GRIK1: variants seen among roughly 807,000 people sequenced by gnomAD.
GRIK1 encodes glutamate receptor ionotropic, kainate 1.
A neutral mutation model predicts 105.7 loss-of-function variants in GRIK1; 69 were observed. That is an observed-to-expected ratio of 0.65 (90% CI 0.54 to 0.80). The LOEUF (loss-of-function observed/expected upper bound fraction) is 0.80. Among genes scored for constraint, GRIK1 ranks in the 30% least tolerant of loss-of-function variants. The pLI is 0.00. For missense variants in GRIK1, 1,109 were observed against 1,167.3 expected (o/e 0.95, Z 0.73); for synonymous variants, 438 against 431.3 (o/e 1.02, Z -0.19).
intron 1 of GRIK1, among the ~76,000 whole-genome samples, chr21:29,889,318 T>C (rs923773450): frequency 1.3e-5 from 2 of 152,156 alleles, no homozygotes; most frequent in African/African-American, 4.8e-5. Flanking sequence ...GGAGAACATA[T>C]TTGTCCTTCT....
intron 14 of GRIK1, among the ~76,000 whole-genome samples, chr21:29,573,126 C>G (rs942645638): frequency 6.6e-6 from 1 of 152,092 alleles, no homozygotes; most frequent in Non-Finnish European, 1.5e-5. Context: ...AGGGCTAGTG[C>G]ACAGGGCGTA....
chr21:29,595,184 C>T lies in GRIK1; in HGVS notation c.1251+1342G>A, dbSNP rs560500658. ...GAGGATCAAGATCAGAAAGTTACAA[C>T]CCTCGGGAGTGTGTGTGGCTCTTGC... is the stretch of plus-strand genomic sequence containing the variant. On this transcript the variant is annotated intron_variant, in intron 9 of 17. Coordinates refer to ENST00000327783, the MANE Select transcript of GRIK1 (RefSeq NM_001330994.2). Among the ~76,000 whole-genome samples, 12 of 152,114 alleles carry T rather than the reference C, an allele frequency of 7.9e-5. No individual in the cohort carries two copies. In the South Asian group the frequency reaches 2.3e-3, roughly 29 times the overall value.
At chr21:29,729,994 G>A (rs2064571777) in intron 1 of GRIK1, among the ~76,000 whole-genome samples, 1 of 152,100 alleles carries the variant, frequency 6.6e-6, no homozygotes, top group Non-Finnish European at 1.5e-5. Context: ...GCATGACTTC[G>A]ACACTATTAT....
At chr21:29,860,345 CTT>C (rs1182364600) in intron 1 of GRIK1, among the ~76,000 whole-genome samples, 3 of 152,220 alleles carry the variant, frequency 2.0e-5, no homozygotes, top group Non-Finnish European at 4.4e-5. Flanking sequence ...GCCTCTCTGT[CTT>C]TTGGCTCAAG....
At chr21:29,611,431 T>C (rs1025293906) in intron 7 of GRIK1, among the ~76,000 whole-genome samples, 1 of 152,208 alleles carries the variant, frequency 6.6e-6, no homozygotes, top group African/African-American at 2.4e-5. Context: ...TTGAACTAGA[T>C]TTACCATCCA....
chr21:29,768,592 C>T (rs1312159152), intron 1 of GRIK1, among the ~76,000 whole-genome samples: 1 of 152,180 alleles, frequency 6.6e-6, no homozygotes, highest in Non-Finnish European at 1.5e-5. Flanking sequence ...TTAAGAATGG[C>T]ACCATGGGTG....
intron 1 of GRIK1, among the ~76,000 whole-genome samples, chr21:29,817,272 A>T (rs1362569593): frequency 6.6e-6 from 1 of 152,140 alleles, no homozygotes; most frequent in Non-Finnish European, 1.5e-5. Context: ...ACATAAAACT[A>T]CTCATAAAAG....
chr21:29,926,417 T>G (rs1307163663), intron 1 of GRIK1, among the ~76,000 whole-genome samples: 2 of 152,148 alleles, frequency 1.3e-5, no homozygotes, highest in Non-Finnish European at 2.9e-5. Flanking sequence ...TTTTAACACC[T>G]TTCAAATTAG....
At position 29,683,610 on chromosome 21, in the gene GRIK1, C is replaced by T. The variant is rs558587572; in HGVS notation, c.544+6118G>A. The stretch of plus-strand genomic sequence containing the variant: ...GACATAAAGATGGGAAGAACAGACA[C>T]TGGCGACTACTAGAGGAGGGAGGCA... On this transcript the variant is annotated intron_variant, in intron 3 of 17. Transcript: ENST00000327783. Among the ~76,000 whole-genome samples the T allele has an allele frequency of 7.9e-5, 12 of 152,290 alleles. No homozygotes were observed. The South Asian group carries it at 2.3e-3, about 29-fold the overall frequency.
At chr21:29,755,346 G>A (rs999344124) in intron 1 of GRIK1, among the ~76,000 whole-genome samples, 2 of 152,220 alleles carry the variant, frequency 1.3e-5, no homozygotes, top group African/African-American at 2.4e-5. Flanking sequence ...GGAGAACTTA[G>A]GGATGAGAAC....
intron 1 of GRIK1, among the ~76,000 whole-genome samples, chr21:29,799,014 T>C (rs927962361): frequency 4.6e-5 from 7 of 152,164 alleles, no homozygotes; most frequent in African/African-American, 1.7e-4. Context: ...GATAATACTA[T>C]CTCAGAGAAC....
intron 1 of GRIK1, among the ~76,000 whole-genome samples, chr21:29,830,189 T>C (rs1426369035): frequency 6.6e-6 from 1 of 152,152 alleles, no homozygotes; most frequent in Non-Finnish European, 1.5e-5. Context: ...TCTGAATTAA[T>C]TATCATTGTG....
intron 1 of GRIK1, among the ~76,000 whole-genome samples, chr21:29,711,104 G>GT (rs983021601): frequency 8.6e-5 from 13 of 151,532 alleles, no homozygotes; most frequent in South Asian, 2.1e-4. Flanking sequence ...TTATTTCAGT[G>GT]TTTTTTTAAC....
Position 29,888,184 on chromosome 21 carries a change from C to CTTTCTTTCTTTCTTTCTTT in GRIK1, c.118+51198_118+51199insAAAGAAAGAAAGAAAGAAA, listed in dbSNP as rs1301166060. ...TTTTTTCTTTCTTTCTTTCTTTCTT[C>CTTTCTTTCTTTCTTTCTTT]CTTTCTTTCTTTCTCTCTCTCTCTC... On this transcript the variant is annotated intron_variant, in intron 1 of 17. Transcript: ENST00000327783. Among the ~76,000 whole-genome samples, 11 of 64,832 alleles carry CTTTCTTTCTTTCTTTCTTT rather than the reference C, an allele frequency of 1.7e-4. 1 individual carries two copies. Among genetic ancestry groups the CTTTCTTTCTTTCTTTCTTT allele is most frequent in the African/African-American group, 6.8e-4 (7 of 10,248 alleles). The allele number at this position is 64,832 out of a possible 152,430, so 42.5% of individuals were successfully genotyped here.
intron 6 of GRIK1, among the ~76,000 whole-genome samples, chr21:29,645,099 G>A (rs1275137660): frequency 3.3e-5 from 5 of 152,146 alleles, no homozygotes; most frequent in African/African-American, 7.2e-5. Flanking sequence ...AATATTCACT[G>A]ATAATTTACT....
chr21:29,800,176 C>A (rs1324720000), intron 1 of GRIK1, among the ~76,000 whole-genome samples: 1 of 152,182 alleles, frequency 6.6e-6, no homozygotes, highest in Non-Finnish European at 1.5e-5. Flanking sequence ...AATACACGAT[C>A]TGGCTTTCTT....
rs1330106575 is a variant in GRIK1, at chr21:29,809,192, CTG to C, written c.119-115131_119-115130del. On this transcript the variant is annotated intron_variant, in intron 1 of 17. Coordinates refer to ENST00000327783, the MANE Select transcript of GRIK1 (RefSeq NM_001330994.2). Reference sequence around the variant, plus strand: ...GCAATGATGCTGCTCCAGGTTAAGACTGTAATCAGACATAATTACTTAAGACA... The same window carrying C: ...GCAATGATGCTGCTCCAGGTTAAGACTAATCAGACATAATTACTTAAGACA... Among the ~76,000 whole-genome samples the C allele has an allele frequency of 2.0e-5, 3 of 152,248 alleles. No individual in the cohort carries two copies. In the East Asian group the frequency reaches 5.8e-4, roughly 29 times the overall value.
At chr21:29,885,739 C>G (rs2069600694) in intron 1 of GRIK1, among the ~76,000 whole-genome samples, 2 of 152,018 alleles carry the variant, frequency 1.3e-5, no homozygotes, top group Admixed American at 1.3e-4. Context: ...TCATGTTAAG[C>G]AATAAAACTT....
At chr21:29,671,715 C>T (rs2063164346) in intron 4 of GRIK1, among the ~76,000 whole-genome samples, 1 of 152,124 alleles carries the variant, frequency 6.6e-6, no homozygotes, top group Non-Finnish European at 1.5e-5. Context: ...GAGTGCAATA[C>T]AGCTTGTGTT....
Sources: allele counts gnomAD v4.1 joint callset (sites outside exome capture counted in the v4.1 genomes callset), GRCh38; gene constraint gnomAD v4.1.1; transcripts MANE v1.5; gene names NCBI Gene and HGNC (gene_info 2026-07-23, HGNC 2026-07-21).